GRIK2: variants seen among roughly 807,000 people sequenced by gnomAD.
GRIK2 encodes the protein glutamate ionotropic receptor kainate type subunit 2, also known as glutamate receptor ionotropic, kainate 2.
A neutral mutation model predicts 100.3 loss-of-function variants in GRIK2; 32 were observed. The ratio of observed to expected loss-of-function variants is 0.32; its 90% CI spans 0.24 to 0.43. The LOEUF (loss-of-function observed/expected upper bound fraction) is 0.43, where lower values mean the gene tolerates loss of function less well. GRIK2 is among the 20% of genes least tolerant of loss of function. The probability of loss-of-function intolerance (pLI) is 1.00; values close to 1 mark genes in which losing one functional copy is unlikely to be tolerated. For missense variants in GRIK2, 843 were observed against 1,114.9 expected, an observed-to-expected ratio of 0.76 and a Z score of 3.47; for synonymous variants, 417 against 389.4, an observed-to-expected ratio of 1.07 and a Z score of -0.83.
chr6:101,940,436 A>G (rs1382116496), intron 14 of GRIK2, among the ~76,000 whole-genome samples: 1 of 152,148 alleles, frequency 6.6e-6, no homozygotes, highest in Non-Finnish European at 1.5e-5. Context: ...TTTTGAAAAT[A>G]AAAATAGTGG....
intron 16 of GRIK2, among the ~76,000 whole-genome samples, chr6:102,062,273 T>A (rs1222684562): frequency 6.6e-6 from 1 of 150,560 alleles, no homozygotes; most frequent in Non-Finnish European, 1.5e-5. Flanking sequence ...TTTGCCCTCA[T>A]AATTTTTTTC....
intron 4 of GRIK2, among the ~76,000 whole-genome samples, chr6:101,627,799 A>G (rs762024778): frequency 5.3e-5 from 8 of 152,160 alleles, no homozygotes; most frequent in Non-Finnish European, 1.0e-4. Context: ...TGCTAACTAC[A>G]GGTTGTCTGC....
intron 9 of GRIK2, among the ~76,000 whole-genome samples, chr6:101,814,328 A>C (rs1245102945): frequency 6.6e-6 from 1 of 152,156 alleles, no homozygotes; most frequent in Non-Finnish European, 1.5e-5. Flanking sequence ...AATATGTTGA[A>C]AGTGAAAATA....
chr6:101,915,445 A>C (rs1045277913), intron 12 of GRIK2, among the ~76,000 whole-genome samples: 1 of 151,518 alleles, frequency 6.6e-6, no homozygotes, highest in African/African-American at 2.4e-5. Context: ...TACTTGCTGA[A>C]TATAAGAAGA....
intron 2 of GRIK2, among the ~76,000 whole-genome samples, chr6:101,539,203 G>A (rs941462259): frequency 1.5e-4 from 22 of 151,616 alleles, no homozygotes; most frequent in African/African-American, 5.3e-4. Context: ...GTTGTAGATA[G>A]CAAATTTTAC....
chr6:101,727,673 G>C (rs1330855192), intron 7 of GRIK2, among the ~76,000 whole-genome samples: 1 of 152,008 alleles, frequency 6.6e-6, no homozygotes, highest in East Asian at 1.9e-4. Flanking sequence ...TTTTTCTTGT[G>C]GCTATAATTA....
At chr6:101,878,466 T>C (rs1786023285) in intron 11 of GRIK2, among the ~76,000 whole-genome samples, 1 of 151,830 alleles carries the variant, frequency 6.6e-6, no homozygotes, top group Non-Finnish European at 1.5e-5. Context: ...CATGAGAAAT[T>C]GCCATTTGTA....
chr6:101,852,945 C>A (rs533150563), intron 10 of GRIK2, among the ~76,000 whole-genome samples: 39 of 152,262 alleles, frequency 2.6e-4, no homozygotes, highest in African/African-American at 8.4e-4. Flanking sequence ...TTGTGTACCC[C>A]TGGGGAATAA....
chr6:101,636,186 T>A (rs1781002195), intron 4 of GRIK2, among the ~76,000 whole-genome samples: 1 of 151,784 alleles, frequency 6.6e-6, no homozygotes, highest in Non-Finnish European at 1.5e-5. Flanking sequence ...AAAGGATGAG[T>A]TCATGTCCTT....
At chr6:101,661,145 G>C (rs891474280) in intron 4 of GRIK2, among the ~76,000 whole-genome samples, 1 of 152,164 alleles carries the variant, frequency 6.6e-6, no homozygotes, top group East Asian at 1.9e-4. Context: ...GACTGGGGCT[G>C]CTGCCTTTCT....
At chr6:101,756,945 G>A (rs1358716650) in intron 7 of GRIK2, among the ~76,000 whole-genome samples, 1 of 152,086 alleles carries the variant, frequency 6.6e-6, no homozygotes, top group East Asian at 1.9e-4. Context: ...ATTCTTAAAA[G>A]CAAAGACATC....
At chr6:101,772,384 A>T (rs144744929) in intron 7 of GRIK2, among the ~76,000 whole-genome samples, 77 of 152,310 alleles carry the variant, frequency 5.1e-4, no homozygotes, top group African/African-American at 1.8e-3. Context: ...ATTCTGCTGC[A>T]GTAAGAAGAG....
intron 7 of GRIK2, among the ~76,000 whole-genome samples, chr6:101,740,433 G>T (rs1252995330): frequency 1.3e-5 from 2 of 152,160 alleles, no homozygotes; most frequent in Non-Finnish European, 2.9e-5. Flanking sequence ...AAAAGGAAAA[G>T]GGGGAGAGGA....
At chr6:101,657,432 A>C (rs555129926) in intron 4 of GRIK2, among the ~76,000 whole-genome samples, 3 of 152,174 alleles carry the variant, frequency 2.0e-5, no homozygotes, top group South Asian at 2.1e-4. Context: ...TTCCTTTATA[A>C]ATTACGCAGT....
intron 14 of GRIK2, among the ~76,000 whole-genome samples, chr6:101,949,145 C>T (rs764285142): frequency 2.0e-5 from 3 of 151,588 alleles, no homozygotes; most frequent in Non-Finnish European, 4.4e-5. Context: ...TCTGGCTATC[C>T]ATGATGGAAA....
At chr6:101,658,277 C>T (rs970663794) in intron 4 of GRIK2, among the ~76,000 whole-genome samples, 1 of 152,150 alleles carries the variant, frequency 6.6e-6, no homozygotes, top group East Asian at 1.9e-4. Flanking sequence ...TTGTTCAACT[C>T]CCACTTATGA....
At chr6:102,010,295 C>A (rs1021468967) in intron 14 of GRIK2, among the ~76,000 whole-genome samples, 2 of 151,890 alleles carry the variant, frequency 1.3e-5, no homozygotes, top group Non-Finnish European at 2.9e-5. Context: ...TAGTGTAATG[C>A]AAAATAATTT....
chr6:101,911,288 A>G (rs759817947), intron 12 of GRIK2, among the ~76,000 whole-genome samples: 1 of 151,542 alleles, frequency 6.6e-6, no homozygotes, highest in Non-Finnish European at 1.5e-5. Context: ...TGTCACAATT[A>G]CAAAACTGTT....
intron 7 of GRIK2, among the ~76,000 whole-genome samples, chr6:101,759,275 A>G (rs1777332009): frequency 6.6e-6 from 1 of 152,194 alleles, no homozygotes; most frequent in Admixed American, 6.5e-5. Context: ...GATTATAATG[A>G]GTTACATTAG....
Sources: allele counts gnomAD v4.1 joint callset (sites outside exome capture counted in the v4.1 genomes callset), GRCh38; gene constraint gnomAD v4.1.1; transcripts MANE v1.5; gene names NCBI Gene and HGNC (gene_info 2026-07-23, HGNC 2026-07-21).